ELP4: variants seen among roughly 807,000 people sequenced by gnomAD.
The protein encoded by ELP4 is elongator complex protein 4.
Under a neutral mutation model 48.9 loss-of-function variants are expected in ELP4, and 51 were observed. The ratio of observed to expected loss-of-function variants is 1.04; its 90% CI spans 0.83 to 1.32. The LOEUF is 1.32. Ranked by LOEUF, ELP4 falls within the 40% of genes most tolerant of loss-of-function variation. ELP4 has a pLI of 0.00. For synonymous variants in ELP4, 210 were observed against 189.2 expected, an observed-to-expected ratio of 1.11 and a Z score of -0.90; for missense variants, 519 against 514.6, an observed-to-expected ratio of 1.01 and a Z score of -0.08.
Position 31,789,691 on chromosome 11 carries a change from T to A in ELP4, c.*6167T>A, listed in dbSNP as rs980237683. 2 of 702,612 alleles carry A rather than the reference T, an allele frequency of 2.8e-6. No homozygotes were observed. The highest frequency in any genetic ancestry group is 3.5e-5 in the African/African-American group (2 of 57,172). The allele number at this position is 702,612 out of a possible 1,614,324, so 43.5% of individuals were successfully genotyped here. ...CCCATTTACAAATAATACACCAAAA[T>A]GAATAAAAGTTTGGATACCAAAATG... is the stretch of plus-strand genomic sequence containing the variant. On this transcript the variant is annotated 3_prime_UTR_variant, in exon 10 of 10. Transcript: ENST00000640961.
chr11:31,517,366 G>A (rs1178981167), intron 1 of ELP4, among the ~76,000 whole-genome samples: 1 of 151,808 alleles, frequency 6.6e-6, no homozygotes, highest in Non-Finnish European at 1.5e-5. Flanking sequence ...GTTTCACCTT[G>A]TTGGCCAGGA....
At chr11:31,728,556 G>GT (rs1253651244) in intron 9 of ELP4, among the ~76,000 whole-genome samples, 3 of 152,130 alleles carry the variant, frequency 2.0e-5, no homozygotes, top group Non-Finnish European at 4.4e-5. Flanking sequence ...TTTCCTGCCT[G>GT]TATCTATATA....
chr11:31,741,321 A>C (rs1278981921), intron 9 of ELP4, among the ~76,000 whole-genome samples: 1 of 152,214 alleles, frequency 6.6e-6, no homozygotes, highest in African/African-American at 2.4e-5. Context: ...CTCTGGGGGC[A>C]GGGCACAGAC....
At chr11:31,699,992 T>C (rs1946488351) in intron 9 of ELP4, among the ~76,000 whole-genome samples, 1 of 152,138 alleles carries the variant, frequency 6.6e-6, no homozygotes, top group East Asian at 1.9e-4. Flanking sequence ...CTGACGATAC[T>C]GGGGCAGTTG....
At chr11:31,748,991 C>A (rs1319267125) in intron 9 of ELP4, among the ~76,000 whole-genome samples, 1 of 152,116 alleles carries the variant, frequency 6.6e-6, no homozygotes, top group Non-Finnish European at 1.5e-5. Context: ...AGAGGAAGAT[C>A]TTCCTGATAA....
chr11:31,523,183 CT>C (rs1956243921), intron 2 of ELP4, among the ~76,000 whole-genome samples: 1 of 152,020 alleles, frequency 6.6e-6, no homozygotes, highest in African/African-American at 2.4e-5. Flanking sequence ...CAGTTCTCTA[CT>C]TTTCTTCATT....
chr11:31,711,603 A>G (rs981501575), intron 9 of ELP4, among the ~76,000 whole-genome samples: 1 of 152,182 alleles, frequency 6.6e-6, no homozygotes, highest in Admixed American at 6.5e-5. Context: ...TTCGAATATT[A>G]TATATTTTTC....
intron 3 of ELP4, among the ~76,000 whole-genome samples, chr11:31,588,193 T>C (rs1265670528): frequency 6.6e-6 from 1 of 152,210 alleles, no homozygotes; most frequent in Non-Finnish European, 1.5e-5. Flanking sequence ...TTCTTTTTAA[T>C]AATATGTTTA....
chr11:31,552,311 T>C (rs1432784350), intron 3 of ELP4, among the ~76,000 whole-genome samples: 1 of 152,208 alleles, frequency 6.6e-6, no homozygotes, highest in Non-Finnish European at 1.5e-5. Context: ...AGGATGTCAG[T>C]AGTATGTATA....
intron 3 of ELP4, among the ~76,000 whole-genome samples, chr11:31,543,732 T>G (rs72889972): frequency 0.066 from 10,092 of 152,188 alleles, 486 homozygotes; most frequent in Non-Finnish European, 0.099. Flanking sequence ...AAGATAAGAA[T>G]GACAGCCAAC....
At chr11:31,519,279 C>T (rs1956171726) in intron 1 of ELP4, among the ~76,000 whole-genome samples, 1 of 152,126 alleles carries the variant, frequency 6.6e-6, no homozygotes, top group South Asian at 2.1e-4. Flanking sequence ...AAAGAATTAA[C>T]TTTAATTATC....
At chr11:31,624,446 A>G (rs892209040) in intron 5 of ELP4, among the ~76,000 whole-genome samples, 8 of 151,626 alleles carry the variant, frequency 5.3e-5, no homozygotes, top group African/African-American at 1.9e-4. Context: ...AAAAGATAAA[A>G]AGGGGTACAC....
At chr11:31,720,530 C>A (rs564292976) in intron 9 of ELP4, among the ~76,000 whole-genome samples, 231 of 642 alleles carry the variant, frequency 0.36, 2 homozygotes, top group African/African-American at 0.47. Context: ...GAATTAAAGT[C>A]TCTTTCAGTG....
At chr11:31,510,359 G>C (rs982440753) in intron 1 of ELP4, 1 of 464,600 alleles carries the variant, frequency 2.2e-6, no homozygotes, top group East Asian at 3.0e-5. Context: ...CCTCCCTTCT[G>C]CTTTCTCCAG....
intron 3 of ELP4, among the ~76,000 whole-genome samples, chr11:31,577,141 A>C (rs1193576823): frequency 6.6e-6 from 1 of 152,238 alleles, no homozygotes; most frequent in Non-Finnish European, 1.5e-5. Flanking sequence ...CTACCATCAG[A>C]GAATACTATA....
chr11:31,572,602 A>G (rs950118716), intron 3 of ELP4, among the ~76,000 whole-genome samples: 5 of 152,194 alleles, frequency 3.3e-5, no homozygotes, highest in East Asian at 1.9e-4. Context: ...GAGATTGTCT[A>G]TCTATCTATC....
chr11:31,674,853 T>C (rs1945885999), intron 9 of ELP4, among the ~76,000 whole-genome samples: 1 of 152,214 alleles, frequency 6.6e-6, no homozygotes, highest in African/African-American at 2.4e-5. Context: ...TAACATTCTG[T>C]CCATATTAGT....
chr11:31,744,642 A>G (rs1201396695), intron 9 of ELP4, among the ~76,000 whole-genome samples: 2 of 152,252 alleles, frequency 1.3e-5, no homozygotes, highest in African/African-American at 4.8e-5. Context: ...CAAAAACCAC[A>G]TGATTATCTC....
In ELP4 at chr11:31,788,780, T is replaced by A. The variant is rs1948912611; in HGVS notation, c.*5256T>A. ...TAAGTGGAATTTTTTTCTAACACGTTTTTGATTTATGGTATCTATAAGGAT... is the reference window on the plus strand; with the variant it reads ...TAAGTGGAATTTTTTTCTAACACGTATTTGATTTATGGTATCTATAAGGAT... On this transcript the variant is annotated 3_prime_UTR_variant, in exon 10 of 10. Coordinates refer to ENST00000640961, the MANE Select transcript of ELP4 (RefSeq NM_019040.5). 3 of 208,268 alleles carry A rather than the reference T, an allele frequency of 1.4e-5. No homozygotes were observed. The highest frequency in any genetic ancestry group is 2.3e-5 in the African/African-American group (1 of 43,920). 12.9% of individuals were successfully genotyped at this position (208,268 alleles called of 1,614,324 possible). A position where few individuals can be genotyped will look rare whatever the true frequency, so the allele number is the denominator to read the frequency against.
Sources: allele counts gnomAD v4.1 joint callset (sites outside exome capture counted in the v4.1 genomes callset), GRCh38; gene constraint gnomAD v4.1.1; transcripts MANE v1.5; gene names NCBI Gene and HGNC (gene_info 2026-07-23, HGNC 2026-07-21).